The following VWF variants were observed in gnomAD, a reference collection of about 807,000 sequenced individuals.
VWF encodes the protein von Willebrand factor.
VWF carries 176 observed loss-of-function variants against 308.6 expected under a neutral mutation model. The ratio of observed to expected loss-of-function variants is 0.57; its 90% CI spans 0.50 to 0.65. VWF has a LOEUF of 0.65. Among genes scored for constraint, VWF ranks in the 30% least tolerant of loss-of-function variants. VWF has a pLI of 0.00. For missense variants in VWF, 3,146 were observed against 3,648.2 expected (o/e 0.86, Z 3.55); for synonymous variants, 1,385 against 1,443.4 (o/e 0.96, Z 0.92).
intron 11 of VWF, 46 bp from the exon 12 acceptor site, chr12:6,064,430 T>C (rs753099796): frequency 1.2e-6 from 2 of 1,611,252 alleles, no homozygotes; most frequent in Non-Finnish European, 1.7e-6. Context: ...CCCCTGCCTA[T>C]CCAGCTCCCC....
intron 3 of VWF, among the ~76,000 whole-genome samples, chr12:6,118,609 T>C (rs1450639205): frequency 1.3e-5 from 2 of 151,564 alleles, no homozygotes; most frequent in Non-Finnish European, 2.9e-5. Context: ...CTGGTCTCGA[T>C]CTCCCAACCT....
At position 6,013,602 on chromosome 12, in the gene VWF, T is replaced by G; in HGVS notation, c.5499A>C (p.Ala1833=). The change falls in exon 32 of 52, where the codon GCA becomes GCC. Residue 1833 remains alanine, a synonymous_variant. Transcript: ENST00000261405. ...GGCCTGCCAAGATCCGTAGCTGGGC[T>G]GCATCGTAGCGATCTCCAATTCCAA... The part of the protein sequence containing the change: ...FPIGIGDRYD[A]AQLRILAGPA... 1 of 1,613,782 alleles carries G rather than the reference T, an allele frequency of 6.2e-7. No individual in the cohort carries two copies. Among genetic ancestry groups the G allele is most frequent in the East Asian group, 2.2e-5 (1 of 44,882 alleles).
At chr12:6,057,250 C>T (rs997732381) in intron 14 of VWF, among the ~76,000 whole-genome samples, 178 bp from the exon 15 acceptor site, 10 of 151,356 alleles carry the variant, frequency 6.6e-5, no homozygotes, top group Admixed American at 2.0e-4. Flanking sequence ...AATCATCTAA[C>T]GCTGAGTTTG....
chr12:5,950,911 T>C (rs891451073), intron 50 of VWF, among the ~76,000 whole-genome samples: 3 of 152,174 alleles, frequency 2.0e-5, no homozygotes, highest in Non-Finnish European at 4.4e-5. Context: ...ATGGGAATCA[T>C]AGAAAGACAT....
At position 5,985,779 on chromosome 12, in the gene VWF, T is replaced by A. The variant is rs148098177; in HGVS notation, c.6799-114A>T. 178 of 964,082 alleles carry A rather than the reference T, an allele frequency of 1.8e-4. No individual in the cohort carries two copies. The African/African-American group carries it at 2.6e-3, about 14-fold the overall frequency. The allele number at this position is 964,082 out of a possible 1,614,324, so 59.7% of individuals were successfully genotyped here. A position where few individuals can be genotyped will look rare whatever the true frequency, so the allele number is the denominator to read the frequency against. Reference sequence around the variant, plus strand: ...CAAGGGCCAGTCCCTGACCCAGCCCTCTGACAGAGCCTCACAGGCAAACAA... The same window carrying A: ...CAAGGGCCAGTCCCTGACCCAGCCCACTGACAGAGCCTCACAGGCAAACAA... On this transcript the variant is annotated intron_variant, in intron 38 of 51. Coordinates refer to ENST00000261405, the MANE Select transcript of VWF (RefSeq NM_000552.5).
chr12:6,123,135 T>C lies in VWF; in HGVS notation c.55+7A>G. 1 of 1,614,110 alleles carries C rather than the reference T, an allele frequency of 6.2e-7. No individual in the cohort carries two copies. The highest frequency in any genetic ancestry group is 8.5e-7 in the Non-Finnish European group (1 of 1,180,012). On this transcript the variant is annotated splice_region_variant and intron_variant, in intron 2 of 51. Coordinates refer to ENST00000261405, the MANE Select transcript of VWF (RefSeq NM_000552.5). The stretch of plus-strand genomic sequence containing the variant: ...GGAATGAGAAATGGAGGCCCTTTTG[T>C]ACCTACCTGGCAAAATGAGGGCCAG...
rs1441108589 is a variant in VWF at position 5,949,108 on chromosome 12, C to G, written c.8349G>C (p.Gln2783His). ...AGCCATTGGTGCAGTGCAGGGCCAC[C>G]TGCATGGGCTCCGTCCGTGTCGGAG... ...CCSPTRTEPMQVALHCTNGSV... is the reference protein window; with the variant it reads ...CCSPTRTEPMHVALHCTNGSV... The change falls in exon 52 of 52, where the codon CAG (glutamine) becomes CAC (histidine). Residue 2783 changes from glutamine (Q) to histidine (H), a missense_variant. This residue lies in a region of VWF where 989 missense variants were observed against 1,117.4 expected (regional missense o/e 0.89). Transcript: ENST00000261405. 5.0e-6 allele frequency: 8 copies of G among 1,614,136 alleles called. No individual in the cohort carries two copies. In the Admixed American group the frequency reaches 5.0e-5, roughly 10 times the overall value.
intron 8 of VWF, among the ~76,000 whole-genome samples, 170 bp downstream of exon 8, chr12:6,073,449 A>C (rs146159113): frequency 4.2e-4 from 64 of 152,364 alleles, no homozygotes; most frequent in African/African-American, 1.5e-3. Context: ...TACATTAAAA[A>C]TAAAGACCAG....
At chr12:6,059,709 G>A (rs1289370723) in intron 13 of VWF, among the ~76,000 whole-genome samples, 1 of 152,152 alleles carries the variant, frequency 6.6e-6, no homozygotes, top group Admixed American at 6.5e-5. Flanking sequence ...CATCACCTTG[G>A]GGGTTAGGAT....
Position 6,024,046 on chromosome 12 carries a change from CAGA to C in VWF, c.3223-262_3223-260del, listed in dbSNP as rs1420538064. 6.6e-6 allele frequency among the ~76,000 whole-genome samples: 1 copy of C among 152,222 alleles called. No individual in the cohort carries two copies. The highest frequency in any genetic ancestry group is 2.4e-5 in the African/African-American group (1 of 41,452). On this transcript the variant is annotated intron_variant, in intron 24 of 51. Coordinates refer to ENST00000261405, the MANE Select transcript of VWF (RefSeq NM_000552.5). This position sits in a 1 kb window ranked among gnomAD's most constrained non-coding sequence, Gnocchi z 4.0. ...GAACACAATGAGCCTGAGGATTTTC[CAGA>C]AGAACATTCCCTCTGTCCCTCTGCC... is the stretch of plus-strand genomic sequence containing the variant.
intron 34 of VWF, among the ~76,000 whole-genome samples, chr12:5,996,777 T>C (rs1211952063): frequency 6.6e-6 from 1 of 150,546 alleles, no homozygotes; most frequent in Non-Finnish European, 1.5e-5. Context: ...AAAAAATGGT[T>C]GAGTCTCAAT....
chr12:5,986,050 T>C (rs930947150), intron 38 of VWF, among the ~76,000 whole-genome samples: 1 of 152,138 alleles, frequency 6.6e-6, no homozygotes, highest in Non-Finnish European at 1.5e-5. Flanking sequence ...CTTCAGACAA[T>C]AGGGTAGGAA....
chr12:6,095,368 C>T (rs1267933626), intron 6 of VWF, 92 bp downstream of exon 6: 2 of 1,599,776 alleles, frequency 1.3e-6, no homozygotes, highest in African/African-American at 1.3e-5. Context: ...CCATTCCTCC[C>T]CCAGATGGAA....
intron 18 of VWF, among the ~76,000 whole-genome samples, chr12:6,040,827 T>C (rs1257324496): frequency 1.3e-5 from 2 of 152,192 alleles, no homozygotes; most frequent in Non-Finnish European, 2.9e-5. Flanking sequence ...GTGCCAGGCC[T>C]GGGACAAACC....
At chr12:6,105,913 T>A (rs1034740298) in intron 5 of VWF, among the ~76,000 whole-genome samples, 1 of 151,634 alleles carries the variant, frequency 6.6e-6, no homozygotes, top group South Asian at 2.1e-4. Flanking sequence ...CGTGGTGGCA[T>A]GCGCCTGTAG....
At chr12:6,114,940 G>T (rs563053350) in intron 3 of VWF, among the ~76,000 whole-genome samples, 28 of 152,328 alleles carry the variant, frequency 1.8e-4, no homozygotes, top group African/African-American at 6.3e-4. Context: ...AGTGAGGATT[G>T]AACTGCATGG....
In VWF at chr12:6,029,488, C is replaced by T. The variant is rs1944233812; in HGVS notation, c.2821G>A (p.Val941Met). 1.9e-6 allele frequency: 3 copies of T among 1,614,122 alleles called. No individual in the cohort carries two copies. The African/African-American group carries it at 4.0e-5, about 22-fold the overall frequency. ...GGEIELFDGE[V>M]NVKRPMKDET... ...TCCTTCATGGGCCTCTTCACATTCACCTGGAGGAAGACAAAGCAAGAAATC... is the reference window on the plus strand; with the variant it reads ...TCCTTCATGGGCCTCTTCACATTCATCTGGAGGAAGACAAAGCAAGAAATC... The change falls in exon 22 of 52, where the codon GTG becomes ATG. Residue 941 changes from valine to methionine, a missense_variant and splice_region_variant. Physicochemically the swap from Val to Met is conservative, Grantham distance 21. Transcript: ENST00000261405.
chr12:6,081,108 G>A (rs1208849939), intron 6 of VWF, among the ~76,000 whole-genome samples: 1 of 152,166 alleles, frequency 6.6e-6, no homozygotes, highest in Non-Finnish European at 1.5e-5. Flanking sequence ...GTTCAGGAAA[G>A]GCTGAGGCAA....
chr12:6,013,725 C>G, intron 31 of VWF, 80 bp from the exon 32 acceptor site: 1 of 1,515,618 alleles, frequency 6.6e-7, no homozygotes, highest in Non-Finnish European at 9.1e-7. Context: ...TATCCAGCAT[C>G]TGAATACAGC....
Sources: allele counts gnomAD v4.1 joint callset (sites outside exome capture counted in the v4.1 genomes callset), GRCh38; gene constraint gnomAD v4.1.1; regional missense constraint gnomAD v4.1.1; non-coding constraint Gnocchi (gnomAD v3.1); transcripts MANE v1.5; gene names NCBI Gene and HGNC (gene_info 2026-07-23, HGNC 2026-07-21).